POM121C: variants seen among roughly 807,000 people sequenced by gnomAD.
The protein encoded by POM121C is POM121 transmembrane nucleoporin C, also known as nuclear envelope pore membrane protein POM 121C.
In POM121C, 20 loss-of-function variants were observed where a neutral mutation model predicts 66.4. The ratio of observed to expected loss-of-function variants is 0.30; its 90% CI spans 0.21 to 0.44. The LOEUF (loss-of-function observed/expected upper bound fraction) is 0.44. Among genes scored for constraint, POM121C ranks in the 20% least tolerant of loss-of-function variants. The pLI is 1.00. For synonymous variants in POM121C, 286 were observed against 528.0 expected (o/e 0.54, Z 6.28); for missense variants, 580 against 1,225.7 (o/e 0.47, Z 7.87).
chr7:75,429,732 G>A (rs2116360548), intron 7 of POM121C, among the ~76,000 whole-genome samples: 2 of 152,242 alleles, frequency 1.3e-5, no homozygotes, highest in East Asian at 3.9e-4. Flanking sequence ...AATGAAAGAG[G>A]TGGGACATGG....
At chr7:75,424,488 T>C (rs1441156073) in intron 11 of POM121C, 38 bp downstream of exon 11, 7 of 1,606,028 alleles carry the variant, frequency 4.4e-6, no homozygotes, top group Non-Finnish European at 6.0e-6. Flanking sequence ...AACAGACACC[T>C]GAAACCTCTC....
At chr7:75,438,611 G>C (rs10270161) in intron 6 of POM121C, among the ~76,000 whole-genome samples, 11,516 of 152,242 alleles carry the variant, frequency 0.076, 1,436 homozygotes, top group African/African-American at 0.26. Flanking sequence ...CACGGACAGT[G>C]AGCAGAACTA....
intron 6 of POM121C, 22 bp downstream of exon 6, chr7:75,439,122 A>T: frequency 3.7e-6 from 6 of 1,613,648 alleles, no homozygotes; most frequent in Non-Finnish European, 5.1e-6. Context: ...TTGGTATTTC[A>T]TCTGGATGGA....
chr7:75,478,369 C>G (rs1554479675), intron 1 of POM121C, among the ~76,000 whole-genome samples: 1 of 151,958 alleles, frequency 6.6e-6, no homozygotes, highest in African/African-American at 2.4e-5. Context: ...TTGAGCGTTT[C>G]CAGGCCATGG....
chr7:75,423,005 G>T lies in POM121C; in HGVS notation c.1247C>A (p.Thr416Asn). The part of the protein sequence containing the change: ...VPATDTKAPP[T>N]LQAETATKPQ... Reference sequence around the variant, plus strand: ...TTTGGTAGCCGTCTCTGCCTGAAGGGTTGGAGGTGCCTTGGTGTCAGTGGC... The same window carrying T: ...TTTGGTAGCCGTCTCTGCCTGAAGGTTTGGAGGTGCCTTGGTGTCAGTGGC... Residue 416 changes from threonine (T) to asparagine (N), a missense_variant, in exon 13 of 15, where the codon ACC becomes AAC. Transcript: ENST00000615331. The T allele has an allele frequency of 6.4e-7, 1 of 1,550,728 alleles. No individual in the cohort carries two copies. Among genetic ancestry groups the T allele is most frequent in the African/African-American group, 1.5e-5 (1 of 67,504 alleles).
At position 75,424,645 on chromosome 7, in the gene POM121C, G is replaced by A. The variant is rs1554471444; in HGVS notation, c.769-17C>T. The A allele has an allele frequency of 1.3e-6, 2 of 1,569,456 alleles. No homozygotes were observed. Among genetic ancestry groups the A allele is most frequent in the Non-Finnish European group, 8.8e-7 (1 of 1,141,658 alleles). On this transcript the variant is annotated splice_polypyrimidine_tract_variant and intron_variant, in intron 10 of 14. Coordinates refer to ENST00000615331, the MANE Select transcript of POM121C (RefSeq NM_001099415.3). ...AGGTGGAGGCTACCAAAGAGAAAAA[G>A]AAGAAGTCAGGCCAATCAGAAAAAA...
rs1554470169 is a variant in POM121C, at chr7:75,418,843, C to T, written c.2917G>A (p.Ala973Thr). Residue 973 changes from alanine (A) to threonine (T), a missense_variant, in exon 15 of 15, where the codon GCT (alanine) becomes ACT (threonine). Ala to Thr is a moderately conservative substitution (Grantham distance 58, BLOSUM62 0). Coordinates refer to ENST00000615331, the MANE Select transcript of POM121C (RefSeq NM_001099415.3). ...SIGAGSKTPG[A>T]RQRLQARRQH... is the part of the protein sequence containing the mutation. ...CTTCGGGCCTGCAGTCGCTGTCGAG[C>T]CCCTGGGGTCTTGGATCCCGCACCA... 1.2e-6 allele frequency: 2 copies of T among 1,611,920 alleles called. No individual in the cohort carries two copies. The highest frequency in any genetic ancestry group is 2.2e-5 in the East Asian group (1 of 44,874).
chr7:75,477,388 G>C (rs587701594), intron 1 of POM121C, among the ~76,000 whole-genome samples: 3 of 152,292 alleles, frequency 2.0e-5, no homozygotes, highest in South Asian at 4.1e-4. Context: ...TTCAAGACCA[G>C]CCTGGTCAAC....
At position 75,429,500 on chromosome 7, in the gene POM121C, G is replaced by A. The variant is rs770533825; in HGVS notation, c.481-3047C>T. Reference sequence around the variant, plus strand: ...TCCAAAATTAGCCAGGTGTGGTGGCGCATGCCTGTAATCTCGGCTACTTGG... The same window carrying A: ...TCCAAAATTAGCCAGGTGTGGTGGCACATGCCTGTAATCTCGGCTACTTGG... On this transcript the variant is annotated intron_variant, in intron 7 of 14. Coordinates refer to ENST00000615331, the MANE Select transcript of POM121C (RefSeq NM_001099415.3). Among the ~76,000 whole-genome samples the A allele has an allele frequency of 2.6e-5, 4 of 152,264 alleles. No homozygotes were observed. The East Asian group carries it at 5.8e-4, about 22-fold the overall frequency.
intron 3 of POM121C, among the ~76,000 whole-genome samples, chr7:75,444,270 C>T (rs868934102): frequency 4.9e-4 from 7 of 14,312 alleles, no homozygotes; most frequent in African/African-American, 9.7e-4. Flanking sequence ...GGGGGGGGGG[C>T]GGAGGGGGGA....
chr7:75,458,839 G>A (rs1256488062), intron 3 of POM121C, among the ~76,000 whole-genome samples: 1 of 152,154 alleles, frequency 6.6e-6, no homozygotes, highest in Non-Finnish European at 1.5e-5. Context: ...GAAAAAATCT[G>A]AATGAGGAAA....
chr7:75,474,912 C>T (rs1366929401), intron 2 of POM121C, 30 bp from the exon 3 acceptor site: 1 of 1,011,406 alleles, frequency 9.9e-7, no homozygotes, highest in Non-Finnish European at 1.5e-6. Flanking sequence ...CATTTTTTAC[C>T]TTATCAAAGT....
At chr7:75,442,031 C>T (rs1425982181) in intron 3 of POM121C, 52 of 1,046,194 alleles carry the variant, frequency 5.0e-5, no homozygotes, top group Non-Finnish European at 6.1e-5. Flanking sequence ...GAGGGCAAAA[C>T]CACACACAAT....
intron 3 of POM121C, among the ~76,000 whole-genome samples, chr7:75,444,300 A>G (rs1422163885): frequency 1.2e-4 from 17 of 142,638 alleles, no homozygotes; most frequent in African/African-American, 3.5e-4. Context: ...TTAAGAAAAA[A>G]ATCTCAGTAT....
At chr7:75,423,396 T>G (rs1789802992) in intron 12 of POM121C, among the ~76,000 whole-genome samples, 193 bp from the exon 13 acceptor site, 1 of 150,776 alleles carries the variant, frequency 6.6e-6, no homozygotes, top group Non-Finnish European at 1.5e-5. Context: ...TCACAGATCA[T>G]CAGACAGAAG....
intron 3 of POM121C, among the ~76,000 whole-genome samples, chr7:75,453,028 G>A (rs1189894591): frequency 5.2e-4 from 79 of 152,248 alleles, no homozygotes; most frequent in African/African-American, 1.7e-3. Flanking sequence ...TGTGCTTCCA[G>A]GCGCACAGAC....
intron 3 of POM121C, among the ~76,000 whole-genome samples, chr7:75,473,698 G>GT (rs1163997487): frequency 1.1e-4 from 17 of 148,306 alleles, no homozygotes; most frequent in Admixed American, 2.0e-4. Context: ...TTGTTTTTTT[G>GT]TTTTTTTTGA....
chr7:75,485,938 T>A lies in POM121C; in HGVS notation c.-532A>T. 1 of 498,086 alleles carries A rather than the reference T, an allele frequency of 2.0e-6. No homozygotes were observed. Among genetic ancestry groups the A allele is most frequent in the South Asian group, 1.4e-5 (1 of 69,008 alleles). 30.9% of individuals were successfully genotyped at this position (498,086 alleles called of 1,614,324 possible). A position where few individuals can be genotyped will look rare whatever the true frequency, so the allele number is the denominator to read the frequency against. On this transcript the variant is annotated 5_prime_UTR_variant, in exon 1 of 15. Coordinates refer to ENST00000615331, the MANE Select transcript of POM121C (RefSeq NM_001099415.3). Reference sequence around the variant, plus strand: ...CGGGCTGCTGTCGCTGGCGCGCGCGTCTGCTCGCGAGGTCCCCTCCTGTCC... The same window carrying A: ...CGGGCTGCTGTCGCTGGCGCGCGCGACTGCTCGCGAGGTCCCCTCCTGTCC...
Position 75,474,801 on chromosome 7 carries a change from T to G in POM121C, c.-249A>C. 1.5e-6 allele frequency: 2 copies of G among 1,305,292 alleles called. No individual in the cohort carries two copies. The highest frequency in any genetic ancestry group is 4.6e-5 in the East Asian group (2 of 43,100). 80.9% of individuals were successfully genotyped at this position (1,305,292 alleles called of 1,614,324 possible). On this transcript the variant is annotated 5_prime_UTR_variant, in exon 3 of 15. Coordinates refer to ENST00000615331, the MANE Select transcript of POM121C (RefSeq NM_001099415.3). Reference sequence around the variant, plus strand: ...CGTTTGGCTTGGTGATATCATATCTTGTTAATGGGAAAAGAAGAAGGACTT... The same window carrying G: ...CGTTTGGCTTGGTGATATCATATCTGGTTAATGGGAAAAGAAGAAGGACTT...
Sources: allele counts gnomAD v4.1 joint callset (sites outside exome capture counted in the v4.1 genomes callset), GRCh38; gene constraint gnomAD v4.1.1; transcripts MANE v1.5; gene names NCBI Gene and HGNC (gene_info 2026-07-23, HGNC 2026-07-21).